Variants in PDE12 observed in about 807,000 individuals in gnomAD.
PDE12 encodes phosphodiesterase 12, also known as 2',5'-phosphodiesterase 12.
In PDE12, 26 loss-of-function variants were observed where a neutral mutation model predicts 45.4. That is an observed-to-expected ratio of 0.57 (90% confidence interval 0.42 to 0.79). The LOEUF (loss-of-function observed/expected upper bound fraction) is 0.79. Ranked by LOEUF, PDE12 falls within the 30% of genes least tolerant of loss-of-function variation. The pLI is 0.00. For synonymous variants in PDE12, 283 were observed against 323.9 expected, an observed-to-expected ratio of 0.87 and a Z score of 1.36; for missense variants, 668 against 790.0, an observed-to-expected ratio of 0.85 and a Z score of 1.85.
At chr3:57,569,765 A>G (rs898370512), downstream of PDE12, among the ~76,000 whole-genome samples, 5 of 150,070 alleles carry the variant, frequency 3.3e-5, no homozygotes, top group Admixed American at 2.7e-4. Flanking sequence ...CCAGGAAGTA[A>G]AGGTTTCGGT....
At chr3:57,578,050 C>CA in the PDE12 span, among the ~76,000 whole-genome samples, 1 of 151,674 alleles carries the variant, frequency 6.6e-6, no homozygotes, top group Non-Finnish European at 1.5e-5. Context: ...GACCCTATCT[C>CA]AAAAAACAAA....
the PDE12 span, chr3:57,641,668 C>T: frequency 4.8e-5 from 78 of 1,612,268 alleles, no homozygotes; most frequent in Admixed American, 2.2e-4. Context: ...GGTTTAAGGT[C>T]TCCTATTCGA....
the PDE12 span, among the ~76,000 whole-genome samples, chr3:57,603,060 A>G: frequency 6.6e-6 from 1 of 151,614 alleles, no homozygotes; most frequent in African/African-American, 2.4e-5. Context: ...CCAACTACTC[A>G]GCAGGCTGAG....
At chr3:57,649,917 A>ATG in the PDE12 span, among the ~76,000 whole-genome samples, 2 of 111,328 alleles carry the variant, frequency 1.8e-5, no homozygotes, top group African/African-American at 7.5e-5. Context: ...CTCTCTGTAT[A>ATG]TATATACACA....
chr3:57,609,362 A>G, the PDE12 span, among the ~76,000 whole-genome samples: 1 of 152,200 alleles, frequency 6.6e-6, no homozygotes, highest in Non-Finnish European at 1.5e-5. Context: ...AAAAGCTAAC[A>G]GAAGGCAAGA....
the PDE12 span, among the ~76,000 whole-genome samples, chr3:57,598,686 C>T: frequency 2.0e-5 from 3 of 152,264 alleles, no homozygotes; most frequent in Non-Finnish European, 4.4e-5. Context: ...GAGGCTGAGG[C>T]AGAAGAATGG....
At chr3:57,616,353 G>T in the PDE12 span, among the ~76,000 whole-genome samples, 1 of 145,938 alleles carries the variant, frequency 6.9e-6, no homozygotes, top group Non-Finnish European at 1.5e-5. Flanking sequence ...AAGAAGAAAA[G>T]GAGGAGGAGG....
At chr3:57,585,707 G>A in the PDE12 span, among the ~76,000 whole-genome samples, 7 of 135,048 alleles carry the variant, frequency 5.2e-5, no homozygotes, top group Non-Finnish European at 1.1e-4. Flanking sequence ...CTGTCACCCA[G>A]GCTGAAGTGC....
the PDE12 span, among the ~76,000 whole-genome samples, chr3:57,595,085 A>G: frequency 7.2e-5 from 11 of 152,342 alleles, no homozygotes; most frequent in South Asian, 2.3e-3. Flanking sequence ...AAATGCAGAA[A>G]CTTAAATATT....
chr3:57,594,657 A>G, the PDE12 span, among the ~76,000 whole-genome samples: 1 of 152,236 alleles, frequency 6.6e-6, no homozygotes, highest in African/African-American at 2.4e-5. Context: ...GCTAACTGCT[A>G]TCTCCTTTAT....
the PDE12 span, among the ~76,000 whole-genome samples, chr3:57,623,812 C>G: frequency 6.6e-6 from 1 of 152,056 alleles, no homozygotes; most frequent in African/African-American, 2.4e-5. Flanking sequence ...TGGAAAGGGA[C>G]AGGCAAAAAC....
the PDE12 span, among the ~76,000 whole-genome samples, chr3:57,593,952 A>G: frequency 2.6e-5 from 4 of 152,320 alleles, no homozygotes; most frequent in East Asian, 7.7e-4. Flanking sequence ...TATTTAAAAA[A>G]TATATACAAA....
the PDE12 span, among the ~76,000 whole-genome samples, chr3:57,609,967 T>A: frequency 6.6e-6 from 1 of 152,006 alleles, no homozygotes; most frequent in African/African-American, 2.4e-5. Context: ...CTGATAAACA[T>A]CAATGCAAAA....
chr3:57,610,313 G>A, the PDE12 span, among the ~76,000 whole-genome samples: 1 of 152,248 alleles, frequency 6.6e-6, no homozygotes, highest in South Asian at 2.1e-4. Flanking sequence ...CATTCCCTTT[G>A]AAAACTGGCA....
chr3:57,574,478 C>T, the PDE12 span, among the ~76,000 whole-genome samples: 1 of 150,400 alleles, frequency 6.6e-6, no homozygotes, highest in African/African-American at 2.4e-5. Context: ...GGCACAATCA[C>T]AGCTCTCTGC....
At chr3:57,584,178 G>T in the PDE12 span, 1 of 695,884 alleles carries the variant, frequency 1.4e-6, no homozygotes, top group Non-Finnish European at 2.4e-6. Context: ...ATGCAGGCTG[G>T]TCTTGAACTC....
chr3:57,654,096 C>T, the PDE12 span, among the ~76,000 whole-genome samples: 10 of 151,082 alleles, frequency 6.6e-5, no homozygotes, highest in African/African-American at 1.7e-4. Flanking sequence ...CACAGGTGCC[C>T]GCCACCACGC....
the PDE12 span, among the ~76,000 whole-genome samples, chr3:57,623,843 G>A: frequency 5.3e-5 from 8 of 152,054 alleles, no homozygotes; most frequent in African/African-American, 1.7e-4. Context: ...CATGAAGTCC[G>A]GCTTTCTAAC....
chr3:57,569,607 C>T (rs1465751771), downstream of PDE12, among the ~76,000 whole-genome samples: 3 of 152,130 alleles, frequency 2.0e-5, no homozygotes, highest in South Asian at 2.1e-4. Flanking sequence ...CCACCTGCCT[C>T]GGCCTCCCAA....
Sources: allele counts gnomAD v4.1 joint callset (sites outside exome capture counted in the v4.1 genomes callset), GRCh38; gene constraint gnomAD v4.1.1; transcripts MANE v1.5; gene names NCBI Gene and HGNC (gene_info 2026-07-23, HGNC 2026-07-21).